Variants in RBFOX1 observed in about 807,000 individuals in gnomAD.
The protein encoded by RBFOX1 is RNA binding fox-1 homolog 1, also known as RNA binding protein fox-1 homolog 1.
In RBFOX1, 8 loss-of-function variants were observed where a neutral mutation model predicts 57.7. That is an observed-to-expected ratio of 0.14 (90% confidence interval 0.08 to 0.25). The LOEUF is 0.25. Among genes scored for constraint, RBFOX1 ranks in the 10% least tolerant of loss-of-function variants. The pLI is 1.00. For missense variants in RBFOX1, 611 were observed against 548.5 expected (o/e 1.11, Z -1.14); for synonymous variants, 326 against 222.4 (o/e 1.47, Z -4.15).
chr16:7,334,669 A>G (rs1424633151), intron 4 of RBFOX1, among the ~76,000 whole-genome samples: 1 of 152,200 alleles, frequency 6.6e-6, no homozygotes, highest in East Asian at 1.9e-4. Flanking sequence ...TGGGAATTAA[A>G]TAACTATCGA....
At chr16:5,707,565 C>T (rs992935037) in intron 3 of RBFOX1, among the ~76,000 whole-genome samples, 3 of 152,186 alleles carry the variant, frequency 2.0e-5, no homozygotes, top group South Asian at 2.1e-4. Context: ...AATATCATGC[C>T]TTCCCCCAAC....
chr16:6,926,322 A>C (rs1210085949), intron 3 of RBFOX1, among the ~76,000 whole-genome samples: 2 of 152,032 alleles, frequency 1.3e-5, no homozygotes, highest in Non-Finnish European at 2.9e-5. Context: ...AAAAACAAAA[A>C]CAAAAACCCT....
chr16:7,040,088 T>G (rs780523246), intron 3 of RBFOX1, among the ~76,000 whole-genome samples: 6 of 151,994 alleles, frequency 3.9e-5, no homozygotes, highest in Non-Finnish European at 8.8e-5. Flanking sequence ...TGACATGATC[T>G]CAGCTCACTG....
chr16:5,701,390 C>T (rs1217288171), intron 3 of RBFOX1, among the ~76,000 whole-genome samples: 2 of 152,160 alleles, frequency 1.3e-5, no homozygotes, highest in Non-Finnish European at 2.9e-5. Flanking sequence ...ATTGTGATGC[C>T]TCAAGCTTGT....
At chr16:6,710,688 GAAATTCCC>G (rs2063558572) in intron 3 of RBFOX1, among the ~76,000 whole-genome samples, 1 of 152,220 alleles carries the variant, frequency 6.6e-6, no homozygotes, top group Admixed American at 6.5e-5. Context: ...CTGCAGTTTG[GAAATTCCC>G]CACATCAAGG....
chr16:5,800,779 G>A (rs2055030981), intron 3 of RBFOX1, among the ~76,000 whole-genome samples: 1 of 152,130 alleles, frequency 6.6e-6, no homozygotes, highest in Admixed American at 6.5e-5. Flanking sequence ...ACCTAAGCAA[G>A]GAAGACGTCC....
intron 2 of RBFOX1, among the ~76,000 whole-genome samples, chr16:6,318,724 A>G (rs2081401227): frequency 6.6e-6 from 1 of 152,118 alleles, no homozygotes. Context: ...TGGATATGGT[A>G]TTTCTGTATC....
At chr16:7,251,105 A>C (rs760967391) in intron 4 of RBFOX1, among the ~76,000 whole-genome samples, 12 of 152,256 alleles carry the variant, frequency 7.9e-5, no homozygotes, top group Non-Finnish European at 1.5e-4. Flanking sequence ...GATTTCTTGA[A>C]ACTATTCCTC....
chr16:6,830,003 G>C (rs952314170), intron 3 of RBFOX1, among the ~76,000 whole-genome samples: 1 of 151,926 alleles, frequency 6.6e-6, no homozygotes, highest in African/African-American at 2.4e-5. Context: ...TGCCACCTCC[G>C]CCTTCTGGGT....
At chr16:7,159,642 C>G (rs1461485744) in intron 4 of RBFOX1, among the ~76,000 whole-genome samples, 2 of 152,182 alleles carry the variant, frequency 1.3e-5, no homozygotes, top group South Asian at 2.1e-4. Flanking sequence ...TGTGTTTGTG[C>G]TGGTTCTGGA....
chr16:5,333,031 CA>C (rs1254143734), intron 1 of RBFOX1, among the ~76,000 whole-genome samples: 9 of 151,926 alleles, frequency 5.9e-5, no homozygotes, highest in African/African-American at 1.9e-4. Context: ...ATTAAAAATA[CA>C]AAAAAATTAG....
chr16:5,496,292 G>T (rs1325222725), intron 2 of RBFOX1, among the ~76,000 whole-genome samples: 1 of 152,084 alleles, frequency 6.6e-6, no homozygotes, highest in African/African-American at 2.4e-5. Flanking sequence ...TTCTCACGCT[G>T]GTGTCAAGAG....
chr16:5,637,531 A>T (rs989360390), intron 3 of RBFOX1, among the ~76,000 whole-genome samples: 16 of 152,190 alleles, frequency 1.1e-4, no homozygotes, highest in African/African-American at 3.9e-4. Flanking sequence ...ATGCACCTAG[A>T]CTATTGAACA....
At chr16:6,143,821 G>A (rs2096737054) in intron 1 of RBFOX1, among the ~76,000 whole-genome samples, 1 of 151,862 alleles carries the variant, frequency 6.6e-6, no homozygotes. Context: ...TTAGAGACAG[G>A]GTCTTGCTCT....
chr16:6,234,958 A>G (rs1271326115), intron 1 of RBFOX1, among the ~76,000 whole-genome samples: 2 of 152,220 alleles, frequency 1.3e-5, no homozygotes, highest in Non-Finnish European at 2.9e-5. Context: ...TAAATTGTGC[A>G]TAGGAGGACT....
At chr16:7,039,218 A>G (rs544018678) in intron 3 of RBFOX1, among the ~76,000 whole-genome samples, 1 of 152,304 alleles carries the variant, frequency 6.6e-6, no homozygotes, top group Non-Finnish European at 1.5e-5. Flanking sequence ...ATTTGGGTTT[A>G]TTGTGCAAGT....
intron 14 of RBFOX1, among the ~76,000 whole-genome samples, chr16:7,681,704 G>A (rs894072545): frequency 6.6e-6 from 1 of 151,988 alleles, no homozygotes; most frequent in African/African-American, 2.4e-5. Flanking sequence ...TGTATTTTAT[G>A]GACATTATGT....
intron 3 of RBFOX1, among the ~76,000 whole-genome samples, chr16:6,889,365 T>C (rs1205612452): frequency 6.6e-6 from 1 of 152,216 alleles, no homozygotes; most frequent in Non-Finnish European, 1.5e-5. Context: ...TTGCTCTCTT[T>C]TCCCTCTGCA....
chr16:6,057,460 A>C (rs1268764780), intron 1 of RBFOX1, among the ~76,000 whole-genome samples: 1 of 152,140 alleles, frequency 6.6e-6, no homozygotes, highest in Admixed American at 6.6e-5. Context: ...TTATTCAACC[A>C]ATATTTATTG....
Sources: allele counts gnomAD v4.1 joint callset (sites outside exome capture counted in the v4.1 genomes callset), GRCh38; gene constraint gnomAD v4.1.1; transcripts MANE v1.5; gene names NCBI Gene and HGNC (gene_info 2026-07-23, HGNC 2026-07-21).